The following IL1RAPL2 variants were observed in gnomAD, a reference collection of about 807,000 sequenced individuals.
IL1RAPL2 encodes the protein X-linked interleukin-1 receptor accessory protein-like 2.
A neutral mutation model predicts 44.1 loss-of-function variants in IL1RAPL2; 3 were observed. The observed-to-expected ratio is 0.07, with a 90% CI of 0.03 to 0.18. The LOEUF (loss-of-function observed/expected upper bound fraction) is 0.18, where lower values mean the gene tolerates loss of function less well. Ranked by LOEUF, IL1RAPL2 falls within the 10% of genes least tolerant of loss-of-function variation. The pLI is 1.00. For missense variants in IL1RAPL2, 391 were observed against 496.4 expected, an observed-to-expected ratio of 0.79 and a Z score of 2.02; for synonymous variants, 181 against 178.8, an observed-to-expected ratio of 1.01 and a Z score of -0.10.
chrX:104,654,502 G>A (rs2148021515), intron 1 of IL1RAPL2, among the ~76,000 whole-genome samples: 1 of 111,028 alleles, frequency 9.0e-6, no homozygotes, highest in African/African-American at 3.3e-5. Context: ...CATGGCTGGA[G>A]CATAGGCAGC....
chrX:104,881,277 G>A (rs1401101650), intron 2 of IL1RAPL2, among the ~76,000 whole-genome samples: 1 of 111,401 alleles, frequency 9.0e-6, no homozygotes, highest in African/African-American at 3.3e-5. Context: ...TAGTGAACAT[G>A]GGAGTCTTCA....
At chrX:105,102,407 A>C (rs1307111699) in intron 2 of IL1RAPL2, among the ~76,000 whole-genome samples, 1 of 112,170 alleles carries the variant, frequency 8.9e-6, no homozygotes, top group Non-Finnish European at 1.9e-5. Context: ...CATCCTGTAC[A>C]AATATTCTGT....
chrX:105,013,607 CT>C (rs1465904414), intron 2 of IL1RAPL2, among the ~76,000 whole-genome samples: 2 of 110,403 alleles, frequency 1.8e-5, no homozygotes, highest in Non-Finnish European at 1.9e-5. Flanking sequence ...ACTAAAGAGG[CT>C]TCTGGAGAGC....
intron 2 of IL1RAPL2, among the ~76,000 whole-genome samples, chrX:105,027,085 C>G (rs1183624667): frequency 9.0e-6 from 1 of 111,455 alleles, no homozygotes; most frequent in Non-Finnish European, 1.9e-5. Flanking sequence ...AAGACAGTCT[C>G]TTCAACAAAT....
chrX:104,625,735 C>G lies in IL1RAPL2; in HGVS notation c.-19-33160C>G, dbSNP rs969983774. 9.2e-4 allele frequency among the ~76,000 whole-genome samples: 103 copies of G among 111,424 alleles called. 2 individuals carry two copies. The highest frequency in any genetic ancestry group is 3.2e-3 in the African/African-American group (97 of 30,620). ...CCAGTAAAGAAATGTGGCCCCTCGT[C>G]TGTGCCAGTTCCTTACCTGAAACCA... On this transcript the variant is annotated intron_variant, in intron 1 of 10. Coordinates refer to ENST00000372582, the MANE Select transcript of IL1RAPL2 (RefSeq NM_017416.2).
chrX:105,013,268 G>C (rs1353848035), intron 2 of IL1RAPL2, among the ~76,000 whole-genome samples: 1 of 110,794 alleles, frequency 9.0e-6, no homozygotes, highest in Non-Finnish European at 1.9e-5. Context: ...TGGAAACCTT[G>C]AGTGAGATCT....
At chrX:105,114,534 C>T (rs1021126024) in intron 2 of IL1RAPL2, among the ~76,000 whole-genome samples, 5 of 110,873 alleles carry the variant, frequency 4.5e-5, no homozygotes, top group Admixed American at 1.9e-4. Flanking sequence ...TGATTTAAAC[C>T]GGAGACTGAT....
chrX:105,218,896 G>C, intron 3 of IL1RAPL2: 36 of 636,708 alleles, frequency 5.7e-5, no homozygotes, highest in Non-Finnish European at 6.3e-5. Context: ...GCCACCACAA[G>C]CCTGCCCTCT....
At chrX:105,003,783 A>G (rs143291287) in intron 2 of IL1RAPL2, among the ~76,000 whole-genome samples, 1,259 of 110,327 alleles carry the variant, frequency 0.011, 27 homozygotes, top group African/African-American at 0.039. Flanking sequence ...TGTCTTCCCC[A>G]TTCCCCACCT....
At chrX:104,685,974 TAAAA>T (rs892397406) in intron 2 of IL1RAPL2, among the ~76,000 whole-genome samples, 14 of 108,318 alleles carry the variant, frequency 1.3e-4, no homozygotes, top group Admixed American at 9.9e-5. Flanking sequence ...AATAAAAACT[TAAAA>T]AAAAAGAACA....
At chrX:105,284,378 T>C (rs1055776994) in intron 5 of IL1RAPL2, among the ~76,000 whole-genome samples, 4 of 112,375 alleles carry the variant, frequency 3.6e-5, no homozygotes, top group African/African-American at 1.3e-4. Context: ...GCACATTTGC[T>C]GCTAGATTTC....
At chrX:104,837,841 T>A (rs1235170271) in intron 2 of IL1RAPL2, among the ~76,000 whole-genome samples, 1 of 112,174 alleles carries the variant, frequency 8.9e-6, no homozygotes, top group African/African-American at 3.2e-5. Context: ...GGTTTTCTTC[T>A]AGGGTTTTTA....
intron 1 of IL1RAPL2, among the ~76,000 whole-genome samples, chrX:104,603,722 T>C (rs972068029): frequency 9.0e-5 from 10 of 111,082 alleles, no homozygotes; most frequent in African/African-American, 2.9e-4. Flanking sequence ...AAGATCAACC[T>C]AATGAAATAA....
intron 2 of IL1RAPL2, among the ~76,000 whole-genome samples, chrX:105,065,483 A>C (rs981045377): frequency 2.7e-5 from 3 of 112,037 alleles, no homozygotes; most frequent in African/African-American, 9.7e-5. Flanking sequence ...CAGAATAAAA[A>C]GTGGGCAAGT....
chrX:104,779,600 A>G (rs1249330158), intron 2 of IL1RAPL2, among the ~76,000 whole-genome samples: 1 of 112,051 alleles, frequency 8.9e-6, no homozygotes, highest in Non-Finnish European at 1.9e-5. Flanking sequence ...TGCTGTATAC[A>G]TAATGTCTCA....
At chrX:105,156,102 A>T (rs2033266602) in intron 2 of IL1RAPL2, among the ~76,000 whole-genome samples, 1 of 111,715 alleles carries the variant, frequency 9.0e-6, no homozygotes, top group Admixed American at 9.5e-5. Context: ...TAATTTGAGG[A>T]TGTTTTACCT....
Position 104,708,383 on chromosome X carries a change from C to T in IL1RAPL2, c.82+49388C>T, listed in dbSNP as rs142482183. On this transcript the variant is annotated intron_variant, in intron 2 of 10. Transcript: ENST00000372582. ...CCTTCTATTTATTAATGCAGGACAG[C>T]AGAGCCACCTGCTTTCTAATATTTG... Among the ~76,000 whole-genome samples, 6 of 110,875 alleles carry T rather than the reference C, an allele frequency of 5.4e-5. No homozygotes were observed. The East Asian group carries it at 1.7e-3, about 32-fold the overall frequency.
At chrX:105,757,649 A>G (rs1432710007) in intron 10 of IL1RAPL2, among the ~76,000 whole-genome samples, 1 of 111,672 alleles carries the variant, frequency 9.0e-6, no homozygotes, top group Non-Finnish European at 1.9e-5. Context: ...GGTGCACAGG[A>G]AGACTCCTTT....
chrX:105,086,646 T>C (rs1421344958), intron 2 of IL1RAPL2, among the ~76,000 whole-genome samples: 1 of 110,661 alleles, frequency 9.0e-6, no homozygotes, highest in Non-Finnish European at 1.9e-5. Flanking sequence ...AAGTGATAAG[T>C]ATTTGAGGTT....
Sources: gnomAD v4.1 joint callset for allele counts (sites outside exome capture counted in the v4.1 genomes callset) on GRCh38, gnomAD v4.1.1 for gene constraint, MANE v1.5 for transcripts, NCBI Gene and HGNC (gene_info 2026-07-23, HGNC 2026-07-21) for gene names.